Variants in TOX observed in about 807,000 individuals in gnomAD.
The protein encoded by TOX is thymocyte selection associated high mobility group box.
A neutral mutation model predicts 53.7 loss-of-function variants in TOX; 11 were observed. The ratio of observed to expected loss-of-function variants is 0.20; its 90% CI spans 0.13 to 0.34. TOX has a LOEUF of 0.34. Ranked by LOEUF, TOX falls within the 10% of genes least tolerant of loss-of-function variation. TOX has a pLI of 1.00. For synonymous variants in TOX, 225 were observed against 245.3 expected (o/e 0.92, Z 0.77); for missense variants, 570 against 664.6 (o/e 0.86, Z 1.56).
intron 1 of TOX, among the ~76,000 whole-genome samples, chr8:58,996,662 C>A (rs902285898): frequency 3.9e-5 from 6 of 152,036 alleles, no homozygotes; most frequent in African/African-American, 1.4e-4. Flanking sequence ...ATCAGTGAGC[C>A]CTACTTAGAG....
chr8:58,820,819 A>G (rs826725), intron 6 of TOX, among the ~76,000 whole-genome samples: 55,463 of 152,106 alleles, frequency 0.36, 12,227 homozygotes, highest in Admixed American at 0.49. Flanking sequence ...CAAGGTGACT[A>G]CTTTGAATGC....
chr8:59,087,662 T>G (rs536455376), intron 1 of TOX, among the ~76,000 whole-genome samples: 11 of 152,304 alleles, frequency 7.2e-5, no homozygotes, highest in South Asian at 2.1e-4. Flanking sequence ...AATAATTTAC[T>G]CAATCTTTCA....
chr8:58,909,962 C>T (rs758650842), intron 3 of TOX, among the ~76,000 whole-genome samples: 1 of 152,060 alleles, frequency 6.6e-6, no homozygotes, highest in African/African-American at 2.4e-5. Flanking sequence ...CCAGCCTTAA[C>T]TCTCTTTTGA....
At chr8:58,994,345 A>T (rs1585949170) in intron 1 of TOX, among the ~76,000 whole-genome samples, 1 of 152,076 alleles carries the variant, frequency 6.6e-6, no homozygotes, top group African/African-American at 2.4e-5. Flanking sequence ...AAAAAAAATC[A>T]GTAAGGTCAT....
chr8:59,107,054 G>GGGGGA (rs1804925078), intron 1 of TOX, among the ~76,000 whole-genome samples: 1 of 128,024 alleles, frequency 7.8e-6, no homozygotes, highest in Non-Finnish European at 1.7e-5. Context: ...GCTGGGGGGG[G>GGGGGA]GGGGAACGTG....
At chr8:58,875,867 A>T (rs183758696) in intron 3 of TOX, among the ~76,000 whole-genome samples, 5 of 152,196 alleles carry the variant, frequency 3.3e-5, no homozygotes, top group Non-Finnish European at 7.3e-5. Context: ...AGGTCTGACC[A>T]TTCTGGGACT....
At chr8:58,896,534 G>T (rs1052976590) in intron 3 of TOX, among the ~76,000 whole-genome samples, 4 of 152,170 alleles carry the variant, frequency 2.6e-5, no homozygotes, top group African/African-American at 9.6e-5. Context: ...AATTGGCTGG[G>T]CATGGTGGCA....
intron 1 of TOX, among the ~76,000 whole-genome samples, chr8:59,086,764 C>T (rs1241450201): frequency 6.6e-6 from 1 of 152,194 alleles, no homozygotes; most frequent in African/African-American, 2.4e-5. Context: ...TAATGTGCTT[C>T]TATTCAATCT....
At chr8:58,879,248 G>A (rs1432941900) in intron 3 of TOX, among the ~76,000 whole-genome samples, 1 of 152,062 alleles carries the variant, frequency 6.6e-6, no homozygotes, top group East Asian at 1.9e-4. Flanking sequence ...TAGACTACTG[G>A]CATGATAGCT....
rs147305349 is a variant in TOX at position 58,872,216 on chromosome 8, A to G, written c.412-20411T>C. Among the ~76,000 whole-genome samples, 326 of 152,270 alleles carry G rather than the reference A, an allele frequency of 2.1e-3. 1 individual carries two copies. Among genetic ancestry groups the G allele is most frequent in the Admixed American group, 5.2e-3 (79 of 15,282 alleles). On this transcript the variant is annotated intron_variant, in intron 3 of 8. Coordinates refer to ENST00000361421, the MANE Select transcript of TOX (RefSeq NM_014729.3). Reference sequence around the variant, plus strand: ...AATGCTAGAACAATTTGAGCAAAACACTAAGTAAAATAGTTCTGAATCATA... The same window carrying G: ...AATGCTAGAACAATTTGAGCAAAACGCTAAGTAAAATAGTTCTGAATCATA...
At chr8:58,817,185 C>T (rs964568659) in intron 6 of TOX, among the ~76,000 whole-genome samples, 19 of 152,090 alleles carry the variant, frequency 1.2e-4, no homozygotes, top group African/African-American at 3.9e-4. Flanking sequence ...ATAATTCCAG[C>T]CCCTTTGGAG....
chr8:58,878,298 AC>A (rs1370884136), intron 3 of TOX, among the ~76,000 whole-genome samples: 2 of 152,136 alleles, frequency 1.3e-5, no homozygotes, highest in Non-Finnish European at 2.9e-5. Flanking sequence ...CAGATGGCCA[AC>A]TCCAAGCAAT....
intron 1 of TOX, among the ~76,000 whole-genome samples, chr8:59,008,750 G>A (rs1813840762): frequency 6.6e-6 from 1 of 152,152 alleles, no homozygotes; most frequent in African/African-American, 2.4e-5. Flanking sequence ...GCTGTCTGTG[G>A]CATTTTCCAT....
chr8:59,019,533 T>C (rs1321211217), intron 1 of TOX, among the ~76,000 whole-genome samples: 3 of 152,202 alleles, frequency 2.0e-5, no homozygotes, highest in Non-Finnish European at 4.4e-5. Context: ...GTGTCGAAAG[T>C]TGAAGAGAAC....
chr8:59,105,054 G>T (rs1804875025), intron 1 of TOX, among the ~76,000 whole-genome samples: 1 of 152,106 alleles, frequency 6.6e-6, no homozygotes, highest in African/African-American at 2.4e-5. Flanking sequence ...TTCAATTTCT[G>T]AAAATGAATT....
At chr8:59,084,321 CTATT>C (rs1804470825) in intron 1 of TOX, among the ~76,000 whole-genome samples, 1 of 151,984 alleles carries the variant, frequency 6.6e-6, no homozygotes, top group African/African-American at 2.4e-5. Flanking sequence ...CAAAGATCCT[CTATT>C]TACTTTTTAG....
At chr8:59,062,528 T>C (rs1043744610) in intron 1 of TOX, among the ~76,000 whole-genome samples, 9 of 152,202 alleles carry the variant, frequency 5.9e-5, no homozygotes, top group Non-Finnish European at 1.0e-4. Context: ...TTTCTACTTA[T>C]AGGGTTTATA....
intron 4 of TOX, among the ~76,000 whole-genome samples, chr8:58,841,692 CAGAT>C (rs149387132): frequency 0.017 from 2,520 of 152,250 alleles, 83 homozygotes; most frequent in East Asian, 0.14. Flanking sequence ...GGTGAGGTGA[CAGAT>C]AGGTTAATTA....
chr8:59,074,652 T>A (rs1038564177), intron 1 of TOX, among the ~76,000 whole-genome samples: 2 of 152,152 alleles, frequency 1.3e-5, no homozygotes, highest in African/African-American at 4.8e-5. Context: ...AAATTAAAGT[T>A]AGAGAAAAAA....
Sources: gnomAD v4.1 joint callset for allele counts (sites outside exome capture counted in the v4.1 genomes callset) on GRCh38, gnomAD v4.1.1 for gene constraint, MANE v1.5 for transcripts, NCBI Gene and HGNC (gene_info 2026-07-23, HGNC 2026-07-21) for gene names.